The following PTPRD variants were observed in gnomAD, a reference collection of about 807,000 sequenced individuals.
The protein encoded by PTPRD is receptor-type tyrosine-protein phosphatase delta.
PTPRD carries 34 observed loss-of-function variants against 214.5 expected under a neutral mutation model. The observed-to-expected ratio is 0.16, with a 90% CI of 0.12 to 0.21. The LOEUF is 0.21. PTPRD is among the 10% of genes least tolerant of loss of function. PTPRD has a pLI of 1.00. For synonymous variants in PTPRD, 1,128 were observed against 845.7 expected, an observed-to-expected ratio of 1.33 and a Z score of -5.79; for missense variants, 2,545 against 2,398.7, an observed-to-expected ratio of 1.06 and a Z score of -1.27.
At chr9:9,654,428 ATGTG>A (rs776488100) in intron 7 of PTPRD, among the ~76,000 whole-genome samples, 1 of 151,702 alleles carries the variant, frequency 6.6e-6, no homozygotes, top group Non-Finnish European at 1.5e-5. Context: ...ATACATATAT[ATGTG>A]TGTGTGTGCA....
At chr9:10,073,951 AAAATT>A (rs1266282830) in intron 3 of PTPRD, among the ~76,000 whole-genome samples, 21 of 152,274 alleles carry the variant, frequency 1.4e-4, no homozygotes, top group African/African-American at 5.1e-4. Flanking sequence ...GCATAGCTAG[AAAATT>A]GAATTAAAGA....
intron 10 of PTPRD, among the ~76,000 whole-genome samples, chr9:9,122,341 C>G (rs1441082695): frequency 6.6e-6 from 1 of 152,066 alleles, no homozygotes; most frequent in East Asian, 1.9e-4. Context: ...TTGTTTATTT[C>G]TATCTACATA....
chr9:10,167,119 A>AT (rs1406140734), intron 3 of PTPRD, among the ~76,000 whole-genome samples: 1 of 132,592 alleles, frequency 7.5e-6, no homozygotes, highest in Non-Finnish European at 1.6e-5. Context: ...ATAAAAGTAG[A>AT]CCTTTTTTTT....
chr9:10,358,428 T>C (rs949435656), intron 2 of PTPRD, among the ~76,000 whole-genome samples: 1 of 151,980 alleles, frequency 6.6e-6, no homozygotes. Flanking sequence ...CATTGATCAA[T>C]GAAGCAATCT....
intron 8 of PTPRD, among the ~76,000 whole-genome samples, chr9:9,436,831 A>G (rs1569568309): frequency 6.6e-6 from 1 of 151,824 alleles, no homozygotes; most frequent in African/African-American, 2.4e-5. Context: ...GTTCCTGGAG[A>G]CTTCAGGCTG....
chr9:9,558,461 A>T (rs544779387), intron 8 of PTPRD, among the ~76,000 whole-genome samples: 4 of 152,290 alleles, frequency 2.6e-5, no homozygotes, highest in African/African-American at 9.6e-5. Flanking sequence ...TTTGATACAC[A>T]GGTTTTGTCA....
chr9:9,710,081 T>C (rs999925890), intron 7 of PTPRD, among the ~76,000 whole-genome samples: 2 of 152,132 alleles, frequency 1.3e-5, no homozygotes, highest in Admixed American at 6.5e-5. Flanking sequence ...CTGCCATTCT[T>C]ACCATGAATG....
chr9:9,458,144 A>T (rs1429365551), intron 8 of PTPRD, among the ~76,000 whole-genome samples: 1 of 152,044 alleles, frequency 6.6e-6, no homozygotes, highest in Non-Finnish European at 1.5e-5. Flanking sequence ...ATGTTTTCAG[A>T]GCATAGAAGT....
intron 2 of PTPRD, among the ~76,000 whole-genome samples, chr9:10,431,711 A>G (rs1199974428): frequency 2.6e-5 from 4 of 152,168 alleles, no homozygotes; most frequent in Non-Finnish European, 5.9e-5. Flanking sequence ...GCCATCAGAG[A>G]AATGCAAATC....
intron 9 of PTPRD, among the ~76,000 whole-genome samples, chr9:9,326,726 G>A (rs942656477): frequency 2.0e-5 from 3 of 151,824 alleles, no homozygotes; most frequent in African/African-American, 7.3e-5. Flanking sequence ...GGGATTGAAG[G>A]TAGAAGAATC....
intron 8 of PTPRD, among the ~76,000 whole-genome samples, chr9:9,569,920 G>T (rs1408175525): frequency 6.6e-6 from 1 of 151,460 alleles, no homozygotes; most frequent in Non-Finnish European, 1.5e-5. Context: ...TCAGACTAAA[G>T]GATTTAGGTG....
intron 8 of PTPRD, among the ~76,000 whole-genome samples, chr9:9,403,536 CTA>C (rs1279984617): frequency 6.6e-6 from 1 of 151,764 alleles, no homozygotes; most frequent in Admixed American, 6.6e-5. Context: ...AAAAATGACT[CTA>C]TTTCATTTCT....
intron 3 of PTPRD, among the ~76,000 whole-genome samples, chr9:10,154,289 A>G (rs2099080256): frequency 6.6e-6 from 1 of 151,888 alleles, no homozygotes; most frequent in African/African-American, 2.4e-5. Context: ...AATGCCTGTT[A>G]TGTTCTTTGC....
At chr9:9,099,501 C>T (rs1264824869) in intron 10 of PTPRD, among the ~76,000 whole-genome samples, 1 of 152,056 alleles carries the variant, frequency 6.6e-6, no homozygotes, top group Non-Finnish European at 1.5e-5. Flanking sequence ...GGGTGTGTTG[C>T]AGGTTTTGGA....
At chr9:9,677,974 T>G (rs2096971111) in intron 7 of PTPRD, among the ~76,000 whole-genome samples, 1 of 152,018 alleles carries the variant, frequency 6.6e-6, no homozygotes, top group Non-Finnish European at 1.5e-5. Flanking sequence ...TCACAATTGC[T>G]TCAAAGAGAA....
At chr9:8,452,840 A>G (rs1180385693) in intron 33 of PTPRD, among the ~76,000 whole-genome samples, 1 of 152,198 alleles carries the variant, frequency 6.6e-6, no homozygotes, top group Admixed American at 6.5e-5. Context: ...TGGGGGGAAG[A>G]AAAAAACAAA....
intron 2 of PTPRD, among the ~76,000 whole-genome samples, chr9:10,379,610 C>A (rs1024889186): frequency 6.6e-6 from 1 of 151,898 alleles, no homozygotes; most frequent in Non-Finnish European, 1.5e-5. Flanking sequence ...TAAAGAAATA[C>A]ATTTTTATGT....
chr9:10,278,835 C>T (rs990397687), intron 3 of PTPRD, among the ~76,000 whole-genome samples: 2 of 151,676 alleles, frequency 1.3e-5, no homozygotes, highest in Non-Finnish European at 2.9e-5. Context: ...AGTGCAGTAG[C>T]GCGATCTCGG....
chr9:9,092,910 C>T (rs1003008130), intron 10 of PTPRD, among the ~76,000 whole-genome samples: 3 of 151,688 alleles, frequency 2.0e-5, no homozygotes, highest in African/African-American at 7.3e-5. Context: ...CTTAAAAAAA[C>T]CCAATACTCT....
Sources: gnomAD v4.1 joint callset for allele counts (sites outside exome capture counted in the v4.1 genomes callset) on GRCh38, gnomAD v4.1.1 for gene constraint, MANE v1.5 for transcripts, NCBI Gene and HGNC (gene_info 2026-07-23, HGNC 2026-07-21) for gene names.